Variants in GLP1R observed in about 807,000 individuals in gnomAD.
GLP1R encodes the protein glucagon like peptide 1 receptor.
A neutral mutation model predicts 68.4 loss-of-function variants in GLP1R; 32 were observed. The ratio of observed to expected loss-of-function variants is 0.47; its 90% CI spans 0.35 to 0.63. The LOEUF (loss-of-function observed/expected upper bound fraction) is 0.63, where lower values mean the gene tolerates loss of function less well. GLP1R is among the 20% of genes least tolerant of loss of function. The pLI, the probability that GLP1R is intolerant of heterozygous loss-of-function variation, is 0.00. For missense variants in GLP1R, 502 were observed against 594.9 expected, an observed-to-expected ratio of 0.84 and a Z score of 1.62; for synonymous variants, 263 against 244.4, an observed-to-expected ratio of 1.08 and a Z score of -0.71.
chr6:39,083,834 A>T (rs1769077706), intron 12 of GLP1R, among the ~76,000 whole-genome samples: 2 of 152,158 alleles, frequency 1.3e-5, no homozygotes, highest in Non-Finnish European at 1.5e-5. Context: ...GTCCCAGCCC[A>T]GGTGCTCAGA....
chr6:39,055,808 T>C (rs1562003388), intron 1 of GLP1R, among the ~76,000 whole-genome samples: 1 of 152,156 alleles, frequency 6.6e-6, no homozygotes, highest in African/African-American at 2.4e-5. Flanking sequence ...CAGCTCTTTG[T>C]AGCCCTGAAC....
At chr6:39,063,171 A>AAAGCAGGCAG (rs1376706660) in intron 3 of GLP1R, among the ~76,000 whole-genome samples, 2 of 152,052 alleles carry the variant, frequency 1.3e-5, no homozygotes, top group Non-Finnish European at 2.9e-5. Flanking sequence ...TCCTCCCATC[A>AAAGCAGGCAG]AAGCAGGCTG....
rs1483005423 is a variant in GLP1R at position 39,073,647 on chromosome 6, A to G, written c.701A>G (p.Gln234Arg). The change falls in exon 7 of 13, where the codon CAG becomes CGG. Residue 234 changes from glutamine (Q) to arginine (R), a missense_variant. Gln to Arg is a conservative substitution (Grantham distance 43). Transcript: ENST00000373256. Reference sequence around the variant, plus strand: ...TGCCGCCTGGTGTTTCTGCTCATGCAGTACTGTGTGGCGGCCAATTACTAC... The same window carrying G: ...TGCCGCCTGGTGTTTCTGCTCATGCGGTACTGTGTGGCGGCCAATTACTAC... ...LSCRLVFLLM[Q>R]YCVAANYYWL... 1 of 1,613,812 alleles carries G rather than the reference A, an allele frequency of 6.2e-7. No individual in the cohort carries two copies. Among genetic ancestry groups the G allele is most frequent in the East Asian group, 2.2e-5 (1 of 44,858 alleles).
intron 7 of GLP1R, among the ~76,000 whole-genome samples, chr6:39,076,025 G>A (rs1173184143): frequency 6.6e-6 from 1 of 152,226 alleles, no homozygotes; most frequent in African/African-American, 2.4e-5. Context: ...GCATGCAGCA[G>A]GGCTTTCGTG....
intron 1 of GLP1R, among the ~76,000 whole-genome samples, chr6:39,053,153 C>G (rs1045475818): frequency 3.3e-5 from 5 of 152,234 alleles, no homozygotes; most frequent in Non-Finnish European, 7.3e-5. Context: ...CTGCTTTGCT[C>G]TCCTGGTCAG....
At chr6:39,074,152 G>A (rs556170600) in intron 7 of GLP1R, among the ~76,000 whole-genome samples, 1 of 152,126 alleles carries the variant, frequency 6.6e-6, no homozygotes, top group East Asian at 1.9e-4. Context: ...TCAAGGTGGG[G>A]AGGGGATCAA....
At chr6:39,051,535 G>A (rs565562273) in intron 1 of GLP1R, among the ~76,000 whole-genome samples, 1 of 152,276 alleles carries the variant, frequency 6.6e-6, no homozygotes, top group South Asian at 2.1e-4. Flanking sequence ...GGGGGCTGGG[G>A]CAGGAGCAAC....
chr6:39,057,831 T>TG (rs1396528250), intron 3 of GLP1R, among the ~76,000 whole-genome samples: 3 of 149,946 alleles, frequency 2.0e-5, no homozygotes, highest in African/African-American at 7.4e-5. Context: ...GTACCTGCCG[T>TG]GGGTCAGCAG....
intron 5 of GLP1R, among the ~76,000 whole-genome samples, chr6:39,067,660 G>C (rs542969265): frequency 2.6e-5 from 4 of 152,220 alleles, no homozygotes; most frequent in Admixed American, 2.6e-4. Context: ...ATAGCATTCT[G>C]CCCCTGGCCC....
intron 12 of GLP1R, among the ~76,000 whole-genome samples, chr6:39,084,035 C>T (rs992060621): frequency 6.6e-6 from 1 of 152,060 alleles, no homozygotes; most frequent in Non-Finnish European, 1.5e-5. Flanking sequence ...TCCCAGCCCT[C>T]GAGGTGCTCC....
chr6:39,048,856 G>A lies in GLP1R; in HGVS notation c.16G>A (p.Gly6Ser), dbSNP rs1472091574. The A allele has an allele frequency of 6.7e-7, 1 of 1,493,636 alleles. No individual in the cohort carries two copies. Among genetic ancestry groups the A allele is most frequent in the East Asian group, 2.8e-5 (1 of 35,438 alleles). The allele number at this position is 1,493,636 out of a possible 1,614,324, so 92.5% of individuals were successfully genotyped here. Residue 6 changes from glycine (G) to serine (S), a missense_variant, in exon 1 of 13, where the codon GGC becomes AGC. Physicochemically the swap from Gly to Ser is moderately conservative, Grantham distance 56 (BLOSUM62 0). Transcript: ENST00000373256. MAGAP[G>S]PLRLALLLLG... Reference sequence around the variant, plus strand: ...ACTCCCCGCCATGGCCGGCGCCCCCGGCCCGCTGCGCCTTGCGCTGCTGCT... The same window carrying A: ...ACTCCCCGCCATGGCCGGCGCCCCCAGCCCGCTGCGCCTTGCGCTGCTGCT...
In GLP1R at chr6:39,090,326, T is replaced by C. The variant is rs1209361720; in HGVS notation, c.*4253T>C. On this transcript the variant is annotated 3_prime_UTR_variant, in exon 13 of 13. Transcript: ENST00000373256. ...ATAACTCCCCAAGTCTCTTGGAATA[T>C]ATATGTATCTGAATCTCTCAGAGGA... 6.6e-6 allele frequency among the ~76,000 whole-genome samples: 1 copy of C among 152,180 alleles called. No homozygotes were observed. Among genetic ancestry groups the C allele is most frequent in the African/African-American group, 2.4e-5 (1 of 41,434 alleles).
chr6:39,080,608 G>C, intron 11 of GLP1R, 90 bp from the exon 12 acceptor site: 1 of 782,444 alleles, frequency 1.3e-6, no homozygotes, highest in Non-Finnish European at 2.1e-6. Flanking sequence ...GGGTTGTTGA[G>C]GATGGAGTCC....
chr6:39,063,926 A>AAC (rs530782175), intron 3 of GLP1R, among the ~76,000 whole-genome samples: 5,684 of 130,194 alleles, frequency 0.044, 149 homozygotes, highest in East Asian at 0.11. Context: ...ACAGACACAT[A>AAC]ACACACACAC....
intron 3 of GLP1R, among the ~76,000 whole-genome samples, chr6:39,058,513 G>GC (rs922702934): frequency 1.3e-5 from 2 of 152,130 alleles, no homozygotes; most frequent in Non-Finnish European, 2.9e-5. Context: ...TAGTTAATGT[G>GC]CCCCGCTATC....
intron 1 of GLP1R, among the ~76,000 whole-genome samples, chr6:39,054,282 A>G (rs1320920822): frequency 2.0e-5 from 3 of 151,882 alleles, no homozygotes; most frequent in African/African-American, 7.3e-5. Flanking sequence ...TGGCACAGTT[A>G]TGGTTTCTGT....
intron 3 of GLP1R, 50 bp downstream of exon 3, chr6:39,057,629 C>A: frequency 9.3e-7 from 1 of 1,070,402 alleles, no homozygotes. Flanking sequence ...CAGTGGTGAA[C>A]CCCCTCCCCG....
At chr6:39,067,159 G>A (rs1768540024) in intron 5 of GLP1R, among the ~76,000 whole-genome samples, 1 of 152,140 alleles carries the variant, frequency 6.6e-6, no homozygotes, top group African/African-American at 2.4e-5. Context: ...ACCCATCAGA[G>A]GTAAGCCCTG....
chr6:39,082,931 C>T, intron 12 of GLP1R, among the ~76,000 whole-genome samples: 1 of 151,992 alleles, frequency 6.6e-6, no homozygotes, highest in East Asian at 1.9e-4. Context: ...TGCTTGGCTT[C>T]CCCCCCGCCA....
Sources: gnomAD v4.1 joint callset for allele counts (sites outside exome capture counted in the v4.1 genomes callset) on GRCh38, gnomAD v4.1.1 for gene constraint, MANE v1.5 for transcripts, NCBI Gene and HGNC (gene_info 2026-07-23, HGNC 2026-07-21) for gene names.